The following DNER variants were observed in gnomAD, a reference collection of about 807,000 sequenced individuals.
DNER encodes the protein delta/notch like EGF repeat containing, also known as delta and Notch-like epidermal growth factor-related receptor.
A neutral mutation model predicts 78.2 loss-of-function variants in DNER; 33 were observed. That is an observed-to-expected ratio of 0.42 (90% CI 0.32 to 0.56). The LOEUF is 0.56. Ranked by LOEUF, DNER falls within the 20% of genes least tolerant of loss-of-function variation. The pLI, the probability that DNER is intolerant of heterozygous loss-of-function variation, is 0.11. For synonymous variants in DNER, 417 were observed against 384.8 expected (o/e 1.08, Z -0.98); for missense variants, 918 against 975.3 (o/e 0.94, Z 0.78).
At chr2:229,520,173 T>C (rs983146629) in intron 5 of DNER, among the ~76,000 whole-genome samples, 1 of 152,206 alleles carries the variant, frequency 6.6e-6, no homozygotes, top group Non-Finnish European at 1.5e-5. Context: ...TGCTTAGCAG[T>C]AGTCTTGCGG....
At chr2:229,580,362 G>A (rs925784914) in intron 4 of DNER, 5 of 152,134 alleles carry the variant, frequency 3.3e-5, no homozygotes, top group African/African-American at 1.2e-4. Flanking sequence ...TATGAGAGAA[G>A]CATTTTAGGA....
intron 8 of DNER, among the ~76,000 whole-genome samples, chr2:229,442,275 G>A (rs1421477656): frequency 6.6e-6 from 1 of 152,128 alleles, no homozygotes; most frequent in Non-Finnish European, 1.5e-5. Flanking sequence ...CAGCACTTTG[G>A]GAGGCCAAGG....
chr2:229,671,916 A>C (rs748923554), intron 1 of DNER, among the ~76,000 whole-genome samples: 16 of 152,230 alleles, frequency 1.1e-4, no homozygotes, highest in Non-Finnish European at 2.2e-4. Context: ...TGTTCAAACA[A>C]TATTAGCTGT....
In DNER at chr2:229,555,572, A is replaced by G. The variant is rs1054064069; in HGVS notation, c.848-8480T>C. ...ATGTACCTCTTCCTGATCATTTTGT[A>G]TCTTGGGTGGCTTCTTATACCACCT... On this transcript the variant is annotated intron_variant, in intron 4 of 12. Coordinates refer to ENST00000341772, the MANE Select transcript of DNER (RefSeq NM_139072.4). Among the ~76,000 whole-genome samples, 7 of 152,138 alleles carry G rather than the reference A, an allele frequency of 4.6e-5. No individual in the cohort carries two copies. The South Asian group carries it at 1.4e-3, about 32-fold the overall frequency.
At chr2:229,453,929 AAAAAAAAAAAAAAG>A in intron 7 of DNER, among the ~76,000 whole-genome samples, 1 of 150,938 alleles carries the variant, frequency 6.6e-6, no homozygotes, top group Non-Finnish European at 1.5e-5. Context: ...TTAAAAAAAA[AAAAAAAAAAAAAAG>A]AAAGAAGAGA....
At chr2:229,471,857 C>T (rs550344426) in intron 7 of DNER, among the ~76,000 whole-genome samples, 12 of 152,244 alleles carry the variant, frequency 7.9e-5, no homozygotes, top group East Asian at 1.9e-4. Flanking sequence ...GAGGTAGGTC[C>T]GGATTTCAAA....
At chr2:229,597,914 G>A (rs998684584) in intron 1 of DNER, among the ~76,000 whole-genome samples, 1 of 152,196 alleles carries the variant, frequency 6.6e-6, no homozygotes, top group African/African-American at 2.4e-5. Flanking sequence ...AGTAAAATGG[G>A]AGGCCAGACC....
At chr2:229,450,528 C>T (rs946752805) in intron 7 of DNER, among the ~76,000 whole-genome samples, 2 of 152,128 alleles carry the variant, frequency 1.3e-5, no homozygotes, top group African/African-American at 4.8e-5. Flanking sequence ...TATTTTGAAG[C>T]CCTAACTCTC....
chr2:229,425,842 G>T (rs184762507), intron 8 of DNER, among the ~76,000 whole-genome samples: 4 of 152,164 alleles, frequency 2.6e-5, no homozygotes, highest in Non-Finnish European at 5.9e-5. Context: ...CAGGACCTTC[G>T]AAGACCATGG....
intron 10 of DNER, among the ~76,000 whole-genome samples, chr2:229,389,838 A>G (rs745615042): frequency 6.6e-6 from 1 of 152,208 alleles, no homozygotes; most frequent in Non-Finnish European, 1.5e-5. Flanking sequence ...CAACTTCTAG[A>G]TCCTACTAGG....
rs1445478101 is a variant in DNER, at chr2:229,613,076, T to C, written c.277-21188A>G. On this transcript the variant is annotated intron_variant, in intron 1 of 12. Coordinates refer to ENST00000341772, the MANE Select transcript of DNER (RefSeq NM_139072.4). ...TAAAATGTCCAACATGAGATACTGTTATCAGTATCTCTATTGTGCCCAGCT... is the reference window on the plus strand; with the variant it reads ...TAAAATGTCCAACATGAGATACTGTCATCAGTATCTCTATTGTGCCCAGCT... 2.0e-5 allele frequency among the ~76,000 whole-genome samples: 3 copies of C among 152,224 alleles called. No individual in the cohort carries two copies. The East Asian group carries it at 5.8e-4, about 29-fold the overall frequency.
chr2:229,631,148 C>G (rs1175681504), intron 1 of DNER, among the ~76,000 whole-genome samples: 1 of 152,156 alleles, frequency 6.6e-6, no homozygotes. Flanking sequence ...TTTGGGTATA[C>G]ACCCAGTAAT....
intron 4 of DNER, among the ~76,000 whole-genome samples, chr2:229,569,974 T>A (rs2154213984): frequency 6.6e-6 from 1 of 152,282 alleles, no homozygotes; most frequent in Non-Finnish European, 1.5e-5. Context: ...AGGGCCATAA[T>A]TTTCTTCCAG....
chr2:229,577,667 A>G (rs984683107), intron 4 of DNER, among the ~76,000 whole-genome samples: 2 of 152,148 alleles, frequency 1.3e-5, no homozygotes, highest in African/African-American at 4.8e-5. Flanking sequence ...GATAAAGCAG[A>G]TATGCCCTGC....
chr2:229,370,062 A>G (rs1259565906), intron 11 of DNER, among the ~76,000 whole-genome samples: 1 of 152,160 alleles, frequency 6.6e-6, no homozygotes, highest in Non-Finnish European at 1.5e-5. Flanking sequence ...ATTATCGTTG[A>G]GAGTATTTGT....
chr2:229,703,709 C>T (rs771356287), intron 1 of DNER, among the ~76,000 whole-genome samples: 12 of 152,022 alleles, frequency 7.9e-5, no homozygotes, highest in Non-Finnish European at 1.5e-4. Context: ...TGAAACCCCA[C>T]CTCTATTAAA....
intron 8 of DNER, among the ~76,000 whole-genome samples, chr2:229,421,361 G>A (rs1467259686): frequency 6.6e-6 from 1 of 151,912 alleles, no homozygotes; most frequent in Non-Finnish European, 1.5e-5. Flanking sequence ...AACAGTGTGT[G>A]TATGGTAAAT....
intron 7 of DNER, among the ~76,000 whole-genome samples, chr2:229,475,922 C>T (rs536446004): frequency 3.9e-5 from 6 of 152,144 alleles, no homozygotes; most frequent in African/African-American, 1.2e-4. Context: ...TAACCAAGGG[C>T]GTGACAGAGC....
chr2:229,479,507 G>A (rs186772247), intron 6 of DNER, among the ~76,000 whole-genome samples: 42 of 152,200 alleles, frequency 2.8e-4, no homozygotes, highest in African/African-American at 8.9e-4. Context: ...GAGGCCAGGA[G>A]TTCAAGACCA....
Sources: gnomAD v4.1 joint callset for allele counts (sites outside exome capture counted in the v4.1 genomes callset) on GRCh38, gnomAD v4.1.1 for gene constraint, MANE v1.5 for transcripts, NCBI Gene and HGNC (gene_info 2026-07-23, HGNC 2026-07-21) for gene names.